Variants in OR9Q1 observed in about 807,000 individuals in gnomAD.
OR9Q1 encodes the protein olfactory receptor family 9 subfamily Q member 1, also known as olfactory receptor 9Q1.
For missense variants in OR9Q1, 374 were observed against 378.8 expected (o/e 0.99, Z 0.11); for synonymous variants, 153 against 148.6 (o/e 1.03, Z -0.22).
intron 2 of OR9Q1, among the ~76,000 whole-genome samples, chr11:58,141,160 G>T (rs1854244971): frequency 1.3e-5 from 2 of 152,156 alleles, no homozygotes. Flanking sequence ...CATGTCATCT[G>T]CAAACAGGGA....
intron 2 of OR9Q1, among the ~76,000 whole-genome samples, chr11:58,091,719 G>T (rs946682584): frequency 6.6e-6 from 1 of 151,816 alleles, no homozygotes; most frequent in African/African-American, 2.4e-5. Context: ...CTGTCTTATT[G>T]ATCTAATATT....
At chr11:58,175,046 C>T (rs1854590843) in intron 2 of OR9Q1, among the ~76,000 whole-genome samples, 2 of 128,132 alleles carry the variant, frequency 1.6e-5, no homozygotes, top group South Asian at 4.9e-4. Context: ...GCAGAGGTTG[C>T]AGTGACCTGA....
At position 58,180,053 on chromosome 11, in the gene OR9Q1, C is replaced by T; in HGVS notation, c.609C>T (p.Ala203=). 1.2e-6 allele frequency: 2 copies of T among 1,614,168 alleles called. No homozygotes were observed. The highest frequency in any genetic ancestry group is 1.7e-6 in the Non-Finnish European group (2 of 1,180,020). The part of the protein sequence containing the change: ...YTQEVLIIMF[A]IFVIPASMVV... ...AAGAAGTGCTGATTATTATGTTTGC[C>T]ATTTTTGTCATCCCTGCTTCCATGG... is the stretch of plus-strand genomic sequence containing the variant. Residue 203 remains alanine, a synonymous_variant, in exon 3 of 3, where the codon GCC becomes GCT. Coordinates refer to ENST00000335397, the MANE Select transcript of OR9Q1 (RefSeq NM_001005212.4).
intron 2 of OR9Q1, among the ~76,000 whole-genome samples, chr11:58,105,902 T>C (rs994815377): frequency 3.9e-5 from 6 of 152,198 alleles, no homozygotes; most frequent in African/African-American, 9.6e-5. Flanking sequence ...ATCTAGGCTG[T>C]TGTGAGTAAT....
chr11:58,067,109 G>A (rs2514199), intron 2 of OR9Q1, among the ~76,000 whole-genome samples: 102,332 of 151,132 alleles, frequency 0.68, 35,137 homozygotes, highest in Middle Eastern at 0.79. Context: ...CAAGCTCACT[G>A]CAAGTTCCAT....
At chr11:58,064,385 G>A (rs934773340) in intron 2 of OR9Q1, among the ~76,000 whole-genome samples, 2 of 152,204 alleles carry the variant, frequency 1.3e-5, no homozygotes, top group African/African-American at 4.8e-5. Flanking sequence ...CTACCAGGCT[G>A]CACTTTGTCA....
intron 1 of OR9Q1, among the ~76,000 whole-genome samples, chr11:58,036,498 C>T (rs1348312978): frequency 1.3e-5 from 2 of 152,194 alleles, no homozygotes; most frequent in Non-Finnish European, 2.9e-5. Flanking sequence ...AAGGCTATAG[C>T]TGCCATAGAT....
chr11:58,103,877 G>T (rs1853814578), intron 2 of OR9Q1, among the ~76,000 whole-genome samples: 1 of 152,174 alleles, frequency 6.6e-6, no homozygotes, highest in African/African-American at 2.4e-5. Flanking sequence ...AGTAGTGTTT[G>T]TGAGTGTCTC....
intron 2 of OR9Q1, among the ~76,000 whole-genome samples, chr11:58,131,837 A>G (rs1854144528): frequency 6.6e-6 from 1 of 152,160 alleles, no homozygotes; most frequent in African/African-American, 2.4e-5. Flanking sequence ...CTCCCACTTG[A>G]GAAACTTTAT....
chr11:58,139,243 CTTTCACTTTTAT>C (rs1449643389), intron 2 of OR9Q1, among the ~76,000 whole-genome samples: 65 of 151,190 alleles, frequency 4.3e-4, no homozygotes, highest in African/African-American at 1.6e-3. Flanking sequence ...GGTTTTTTCC[CTTTCACTTTTAT>C]TTTAAGTTCA....
At chr11:58,118,997 C>T in intron 2 of OR9Q1, 4 of 1,613,934 alleles carry the variant, frequency 2.5e-6, no homozygotes, top group Non-Finnish European at 3.4e-6. Flanking sequence ...ACCCCACAGA[C>T]ATAGGCTCCT....
At chr11:58,118,905 G>A (rs1590600473) in intron 2 of OR9Q1, 2 of 1,614,020 alleles carry the variant, frequency 1.2e-6, no homozygotes, top group Non-Finnish European at 1.7e-6. Context: ...GGGGTGGGAG[G>A]TCACAGAAGA....
rs1491503743 is a variant in OR9Q1, at chr11:58,052,635, A to AG, written c.-92-3234dup. Among the ~76,000 whole-genome samples the AG allele has an allele frequency of 3.1e-4, 38 of 123,454 alleles. 1 individual carries two copies. The South Asian group carries it at 5.0e-3, about 16-fold the overall frequency. The allele number at this position is 123,454 out of a possible 152,430, so 81.0% of individuals were successfully genotyped here. A position where few individuals can be genotyped will look rare whatever the true frequency, so the allele number is the denominator to read the frequency against. On this transcript the variant is annotated intron_variant, in intron 1 of 2. Coordinates refer to ENST00000335397, the MANE Select transcript of OR9Q1 (RefSeq NM_001005212.4). The stretch of plus-strand genomic sequence containing the variant: ...GAAAAAAAGGAAAAAAAAAAAAAAA[A>AG]GAAACTACCATCAGAGTGAACAAGC...
At chr11:58,167,515 A>G (rs1429237030) in intron 2 of OR9Q1, among the ~76,000 whole-genome samples, 1 of 152,182 alleles carries the variant, frequency 6.6e-6, no homozygotes, top group Non-Finnish European at 1.5e-5. Flanking sequence ...ATCTATTGCC[A>G]TATTAACTTA....
chr11:58,137,068 G>C (rs1854196176), intron 2 of OR9Q1, among the ~76,000 whole-genome samples: 1 of 152,226 alleles, frequency 6.6e-6, no homozygotes, highest in South Asian at 2.1e-4. Flanking sequence ...GGCTAATGCA[G>C]AGAGGGCTGA....
chr11:58,024,757 T>G (rs1429703974), intron 1 of OR9Q1, among the ~76,000 whole-genome samples: 1 of 152,138 alleles, frequency 6.6e-6, no homozygotes, highest in African/African-American at 2.4e-5. Flanking sequence ...GCGGATGCTG[T>G]TAATAGCCCT....
chr11:58,070,805 C>T (rs1188401477), intron 2 of OR9Q1, among the ~76,000 whole-genome samples: 1 of 152,192 alleles, frequency 6.6e-6, no homozygotes, highest in Non-Finnish European at 1.5e-5. Flanking sequence ...GTGCCTGCCT[C>T]ACATTCCATC....
At chr11:58,117,354 C>T (rs1853966114) in intron 2 of OR9Q1, 2 of 152,164 alleles carry the variant, frequency 1.3e-5, no homozygotes, top group Admixed American at 1.3e-4. Context: ...CCCTTGTCTA[C>T]TGCTGTATAC....
intron 2 of OR9Q1, among the ~76,000 whole-genome samples, chr11:58,140,684 C>T (rs1289303438): frequency 6.6e-6 from 1 of 152,194 alleles, no homozygotes; most frequent in Non-Finnish European, 1.5e-5. Context: ...GTGTTGGTTA[C>T]TGTAGCCTTG....
Sources: gnomAD v4.1 joint callset for allele counts (sites outside exome capture counted in the v4.1 genomes callset) on GRCh38, gnomAD v4.1.1 for gene constraint, MANE v1.5 for transcripts, NCBI Gene and HGNC (gene_info 2026-07-23, HGNC 2026-07-21) for gene names.